Variants in GNG4 observed in about 807,000 individuals in gnomAD.
GNG4 encodes the protein guanine nucleotide-binding protein G(I)/G(S)/G(O) subunit gamma-4.
A neutral mutation model predicts 5.8 loss-of-function variants in GNG4; 4 were observed. The ratio of observed to expected loss-of-function variants is 0.69; its 90% confidence interval spans 0.34 to 1.57. GNG4 has a LOEUF of 1.57. Ranked by LOEUF, GNG4 falls within the 40% of genes most tolerant of loss-of-function variation. GNG4 has a pLI of 0.06. For missense variants in GNG4, 96 were observed against 95.1 expected, an observed-to-expected ratio of 1.01 and a Z score of -0.04; for synonymous variants, 29 against 32.9, an observed-to-expected ratio of 0.88 and a Z score of 0.41.
At chr1:235,625,050 G>T (rs1688781312) in intron 1 of GNG4, among the ~76,000 whole-genome samples, 1 of 152,098 alleles carries the variant, frequency 6.6e-6, no homozygotes, top group Non-Finnish European at 1.5e-5. Context: ...GATGAGGAAG[G>T]GTTTCCAAGA....
chr1:235,596,421 T>C (rs562967539), intron 1 of GNG4, among the ~76,000 whole-genome samples: 24 of 151,522 alleles, frequency 1.6e-4, no homozygotes, highest in African/African-American at 4.8e-4. Context: ...CCTGTAATCC[T>C]AGCTAGTTGG....
intron 1 of GNG4, among the ~76,000 whole-genome samples, chr1:235,620,728 G>C (rs1033337791): frequency 5.3e-5 from 8 of 152,076 alleles, no homozygotes; most frequent in Non-Finnish European, 1.2e-4. Flanking sequence ...GTAGAGACAG[G>C]GTTTCACCGT....
At chr1:235,575,256 T>C (rs553661711) in intron 3 of GNG4, among the ~76,000 whole-genome samples, 15 of 152,224 alleles carry the variant, frequency 9.9e-5, no homozygotes, top group Admixed American at 2.0e-4. Context: ...ACGCATTCAG[T>C]ATGCTCCTCC....
At chr1:235,622,814 G>T (rs369388535) in intron 1 of GNG4, among the ~76,000 whole-genome samples, 1 of 144,998 alleles carries the variant, frequency 6.9e-6, no homozygotes, top group East Asian at 2.2e-4. Context: ...GGTGGAGGTT[G>T]CAGTGAGCCG....
intron 1 of GNG4, among the ~76,000 whole-genome samples, chr1:235,639,707 A>G (rs550723466): frequency 6.6e-6 from 1 of 152,288 alleles, no homozygotes; most frequent in East Asian, 1.9e-4. Flanking sequence ...GGTTTCACCC[A>G]CGTTGGCCAG....
At chr1:235,571,498 TATC>T (rs1036330892) in intron 3 of GNG4, among the ~76,000 whole-genome samples, 6 of 152,240 alleles carry the variant, frequency 3.9e-5, no homozygotes, top group South Asian at 2.1e-4. Flanking sequence ...CCGCTATTAT[TATC>T]ATCTGTTACA....
intron 2 of GNG4, among the ~76,000 whole-genome samples, chr1:235,593,187 C>T (rs1231624468): frequency 6.6e-6 from 1 of 152,150 alleles, no homozygotes; most frequent in Admixed American, 6.5e-5. Flanking sequence ...GACCTCAGGT[C>T]ATCCACCCGT....
intron 1 of GNG4, among the ~76,000 whole-genome samples, chr1:235,600,222 G>C (rs977223494): frequency 1.4e-5 from 2 of 143,442 alleles, no homozygotes; most frequent in African/African-American, 5.2e-5. Context: ...TCAAGAAATT[G>C]TCCTGCCTCA....
chr1:235,627,014 A>G (rs1293142945), intron 1 of GNG4, among the ~76,000 whole-genome samples: 1 of 148,548 alleles, frequency 6.7e-6, no homozygotes, highest in Non-Finnish European at 1.5e-5. Context: ...TTAGAACCCA[A>G]ATTAGAGACT....
At chr1:235,557,408 C>T (rs1686944376) in intron 3 of GNG4, among the ~76,000 whole-genome samples, 1 of 152,076 alleles carries the variant, frequency 6.6e-6, no homozygotes, top group African/African-American at 2.4e-5. Flanking sequence ...TTTCGTTTAA[C>T]CTAGAGACAG....
chr1:235,648,184 A>G lies in GNG4; in HGVS notation c.-123+1478T>C, dbSNP rs1657558832. Among the ~76,000 whole-genome samples the G allele has an allele frequency of 6.6e-6, 1 of 152,142 alleles. No individual in the cohort carries two copies. The highest frequency in any genetic ancestry group is 6.5e-5 in the Admixed American group (1 of 15,280). On this transcript the variant is annotated intron_variant, in intron 1 of 3. Coordinates refer to ENST00000391854, the MANE Select transcript of GNG4 (RefSeq NM_001098722.2). This position sits in a 1 kb window ranked among gnomAD's most constrained non-coding sequence, Gnocchi z 5.0. ...AGGCCTATGAGCACTGGAGTTGTGC[A>G]TGGAGGTGGGGGCCAACAGGAAGTC...
Position 235,583,777 on chromosome 1 carries a change from T to C in GNG4, c.62A>G (p.Glu21Gly). The change falls in exon 3 of 4, where the codon GAG (glutamate) becomes GGG (glycine). Residue 21 changes from glutamate to glycine, a missense_variant. Physicochemically the swap from Glu to Gly is moderately conservative, Grantham distance 98. Transcript: ENST00000391854. ...TSISQARKAV[E>G]QLKMEACMDR... The stretch of plus-strand genomic sequence containing the variant: ...CATACAGGCTTCCATCTTTAGCTGC[T>C]CCACAGCTTTCCTGGCTTGGGAGAT... The C allele has an allele frequency of 4.3e-6, 7 of 1,613,706 alleles. No individual in the cohort carries two copies. The highest frequency in any genetic ancestry group is 5.9e-6 in the Non-Finnish European group (7 of 1,179,602).
intron 1 of GNG4, among the ~76,000 whole-genome samples, chr1:235,598,682 A>C (rs566145961): frequency 2.0e-5 from 3 of 151,974 alleles, no homozygotes; most frequent in Admixed American, 2.0e-4. Context: ...TTAAGCCACA[A>C]TCTCTGGGGG....
Position 235,649,780 on chromosome 1 carries a change from C to T in GNG4, c.-241G>A, listed in dbSNP as rs1253213362. ...CGGGCTCGGGTGCAAACGCGCGCCTCGTGCCCCTCCCGCCGCCCGCGGGGT... is the reference window on the plus strand; with the variant it reads ...CGGGCTCGGGTGCAAACGCGCGCCTTGTGCCCCTCCCGCCGCCCGCGGGGT... On this transcript the variant is annotated 5_prime_UTR_variant, in exon 1 of 4. Coordinates refer to ENST00000391854, the MANE Select transcript of GNG4 (RefSeq NM_001098722.2). This position sits in a 1 kb window ranked among gnomAD's most constrained non-coding sequence, Gnocchi z 5.7. 1 of 150,270 alleles carries T rather than the reference C, an allele frequency of 6.7e-6. No homozygotes were observed. The highest frequency in any genetic ancestry group is 1.5e-5 in the Non-Finnish European group (1 of 67,370). The allele number at this position is 150,270 out of a possible 1,614,324, so 9.3% of individuals were successfully genotyped here. A position where few individuals can be genotyped will look rare whatever the true frequency, so the allele number is the denominator to read the frequency against.
intron 1 of GNG4, among the ~76,000 whole-genome samples, chr1:235,620,154 G>A (rs1182476904): frequency 6.6e-6 from 1 of 152,184 alleles, no homozygotes; most frequent in South Asian, 2.1e-4. Flanking sequence ...ACCTGAGGTC[G>A]GGAGTTCGAG....
chr1:235,643,768 A>G (rs1657421569), intron 1 of GNG4, among the ~76,000 whole-genome samples: 1 of 152,252 alleles, frequency 6.6e-6, no homozygotes, highest in Admixed American at 6.5e-5. Flanking sequence ...GAGCCCTAGA[A>G]TGGCAAATCC....
chr1:235,569,039 C>T (rs1475109483), intron 3 of GNG4, among the ~76,000 whole-genome samples: 1 of 152,074 alleles, frequency 6.6e-6, no homozygotes, highest in Non-Finnish European at 1.5e-5. Context: ...GCTGGCCAGG[C>T]TGGTCTTAAA....
intron 1 of GNG4, among the ~76,000 whole-genome samples, chr1:235,610,796 T>C (rs983365686): frequency 6.6e-6 from 1 of 152,096 alleles, no homozygotes; most frequent in Non-Finnish European, 1.5e-5. Context: ...AAAAAAGCAC[T>C]GCAAGAGGCT....
chr1:235,587,377 G>C, intron 2 of GNG4, among the ~76,000 whole-genome samples: 1 of 113,722 alleles, frequency 8.8e-6, no homozygotes, highest in Non-Finnish European at 1.8e-5. Context: ...GTGAGTGTGT[G>C]TGTGAGCACG....
Sources: allele counts gnomAD v4.1 joint callset (sites outside exome capture counted in the v4.1 genomes callset), GRCh38; gene constraint gnomAD v4.1.1; non-coding constraint Gnocchi (gnomAD v3.1); transcripts MANE v1.5; gene names NCBI Gene and HGNC (gene_info 2026-07-23, HGNC 2026-07-21).